Variants in RFK observed in about 807,000 individuals in gnomAD.
The protein encoded by RFK is 0610038L10Rik.
RFK carries 4 observed loss-of-function variants against 17.6 expected under a neutral mutation model. That is an observed-to-expected ratio of 0.23 (90% CI 0.11 to 0.52). The LOEUF (loss-of-function observed/expected upper bound fraction) is 0.52. Among genes scored for constraint, RFK ranks in the 20% least tolerant of loss-of-function variants. The pLI is 0.96. For synonymous variants in RFK, 59 were observed against 63.8 expected, an observed-to-expected ratio of 0.92 and a Z score of 0.36; for missense variants, 189 against 187.7, an observed-to-expected ratio of 1.01 and a Z score of -0.04.
chr9:76,388,393 A>G, intron 3 of RFK, 161 bp downstream of exon 3: 1 of 641,624 alleles, frequency 1.6e-6, no homozygotes, highest in South Asian at 1.7e-5. Context: ...AATCCCTCAC[A>G]GGTGAAAGAA....
Position 76,387,443 on chromosome 9 carries a change from T to C in RFK, c.424A>G (p.Asn142Asp). 1 of 1,611,322 alleles carries C rather than the reference T, an allele frequency of 6.2e-7. No homozygotes were observed. The highest frequency in any genetic ancestry group is 8.5e-7 in the Non-Finnish European group (1 of 1,179,314). ...TTGCTTTTAGAAACCTGGAAGAAAT[T>C]GTCTTCTTTGATTTTCAAATGTTCT... ...LPEHLKIKEDNFFQVSKSKIM... is the reference protein window; with the variant it reads ...LPEHLKIKEDDFFQVSKSKIM... Residue 142 changes from asparagine to aspartate, a missense_variant, in exon 4 of 4, where the codon AAT becomes GAT. Around this residue, in one of 3 missense-constraint regions of RFK, gnomAD observed 95 missense variants for 95.7 expected, o/e 0.99. Transcript: ENST00000376736.
rs1822861690 is a variant in RFK at position 76,394,243 on chromosome 9, C to T, written c.-72G>A. 6.7e-7 allele frequency: 1 copy of T among 1,482,156 alleles called. No homozygotes were observed. Among genetic ancestry groups the T allele is most frequent in the African/African-American group, 1.4e-5 (1 of 69,340 alleles). 91.8% of individuals were successfully genotyped at this position (1,482,156 alleles called of 1,614,324 possible). ...TGCGGAGCCGCCGTCGACGCGGCGC[C>T]CAGACCCCGGACCAGCCGGGGGACA... is the stretch of plus-strand genomic sequence containing the variant. On this transcript the variant is annotated 5_prime_UTR_variant, in exon 1 of 4. Coordinates refer to ENST00000376736, the MANE Select transcript of RFK (RefSeq NM_018339.6).
At chr9:76,389,611 A>G (rs1211377727) in intron 2 of RFK, among the ~76,000 whole-genome samples, 1 of 151,994 alleles carries the variant, frequency 6.6e-6, no homozygotes, top group Non-Finnish European at 1.5e-5. Context: ...AAACACAAAA[A>G]TTAGCTGGGC....
At position 76,385,534 on chromosome 9, in the gene RFK, A is replaced by G. The variant is rs1822717825; in HGVS notation, c.*1865T>C. The G allele has an allele frequency of 6.6e-6, 1 of 152,246 alleles. No individual in the cohort carries two copies. Among genetic ancestry groups the G allele is most frequent in the South Asian group, 2.1e-4 (1 of 4,836 alleles). 9.4% of individuals were successfully genotyped at this position (152,246 alleles called of 1,614,324 possible). Reference sequence around the variant, plus strand: ...CACAGGGAAAGAAAAAATATCACTTAGTCAAAATTTATTTCAAGGCCTGAA... The same window carrying G: ...CACAGGGAAAGAAAAAATATCACTTGGTCAAAATTTATTTCAAGGCCTGAA... On this transcript the variant is annotated 3_prime_UTR_variant, in exon 4 of 4. Coordinates refer to ENST00000376736, the MANE Select transcript of RFK (RefSeq NM_018339.6).
rs1269477120 is a variant in RFK, at chr9:76,385,787, T to A, written c.*1612A>T. The A allele has an allele frequency of 1.3e-5, 2 of 152,160 alleles. No individual in the cohort carries two copies. The highest frequency in any genetic ancestry group is 4.8e-5 in the African/African-American group (2 of 41,432). 9.4% of individuals were successfully genotyped at this position (152,160 alleles called of 1,614,324 possible). A position where few individuals can be genotyped will look rare whatever the true frequency, so the allele number is the denominator to read the frequency against. On this transcript the variant is annotated 3_prime_UTR_variant, in exon 4 of 4. Transcript: ENST00000376736. ...AGTCAGACAAAACAAACACAAATAT[T>A]TTCACATTTCCTATGTTTGTTTTTA...
rs1451276482 is a variant in RFK, at chr9:76,387,127, A to G, written c.*272T>C. On this transcript the variant is annotated 3_prime_UTR_variant, in exon 4 of 4. Transcript: ENST00000376736. Reference sequence around the variant, plus strand: ...AAACTAGTGACTTGCCTTTTTACCCATACTTATACACATGTAATACCTTTC... The same window carrying G: ...AAACTAGTGACTTGCCTTTTTACCCGTACTTATACACATGTAATACCTTTC... 8.1e-6 allele frequency: 2 copies of G among 246,548 alleles called. No homozygotes were observed. The highest frequency in any genetic ancestry group is 1.6e-5 in the Non-Finnish European group (2 of 127,576). 15.3% of individuals were successfully genotyped at this position (246,548 alleles called of 1,614,324 possible).
intron 3 of RFK, 101 bp downstream of exon 3, chr9:76,388,453 C>T (rs1822770992): frequency 3.9e-6 from 3 of 762,520 alleles, no homozygotes; most frequent in Non-Finnish European, 6.8e-6. Flanking sequence ...ATATTAAATG[C>T]TCAAATATTA....
chr9:76,389,629 C>T (rs552461250), intron 2 of RFK, among the ~76,000 whole-genome samples: 2 of 152,058 alleles, frequency 1.3e-5, no homozygotes, highest in Non-Finnish European at 2.9e-5. Flanking sequence ...GGCATGGTGG[C>T]GCATGCCTAT....
At chr9:76,391,391 G>A (rs932920562) in intron 2 of RFK, among the ~76,000 whole-genome samples, 2 of 152,146 alleles carry the variant, frequency 1.3e-5, no homozygotes, top group African/African-American at 4.8e-5. Context: ...TAAAGAGTAG[G>A]GCAGAAAAGT....
Position 76,387,408 on chromosome 9 carries a change from A to G in RFK, c.459T>C (p.Asn153=). 1 of 1,606,430 alleles carries G rather than the reference A, an allele frequency of 6.2e-7. No individual in the cohort carries two copies. The highest frequency in any genetic ancestry group is 1.1e-5 in the South Asian group (1 of 90,872). The change falls in exon 4 of 4, where the codon AAT becomes AAC. Residue 153 remains asparagine, a synonymous_variant. Transcript: ENST00000376736. The part of the protein sequence containing the change: ...FFQVSKSKIM[N]GH ...ATAATACAATTTTTCATCAGTGGCC[A>G]TTCATTATTTTGCTTTTAGAAACCT...
At chr9:76,390,552 T>TACTC (rs1355234486) in intron 2 of RFK, among the ~76,000 whole-genome samples, 1 of 152,068 alleles carries the variant, frequency 6.6e-6, no homozygotes, top group Non-Finnish European at 1.5e-5. Flanking sequence ...TGGTCCTAGC[T>TACTC]ACTCGGGAGG....
intron 1 of RFK, among the ~76,000 whole-genome samples, chr9:76,393,368 A>G (rs2490581): frequency 0.91 from 139,042 of 152,164 alleles, 63,761 homozygotes; most frequent in East Asian, 1. Context: ...CACCATGCCC[A>G]GCTAATTTTT....
intron 2 of RFK, among the ~76,000 whole-genome samples, chr9:76,391,300 A>G (rs1184625919): frequency 6.6e-6 from 1 of 152,232 alleles, no homozygotes; most frequent in Non-Finnish European, 1.5e-5. Flanking sequence ...GCTTCACTGT[A>G]ATTTGTTTTT....
chr9:76,388,702 AC>A, intron 2 of RFK, 46 bp from the exon 3 acceptor site: 1 of 1,105,532 alleles, frequency 9.0e-7, no homozygotes, highest in Non-Finnish European at 1.4e-6. Flanking sequence ...ACTACAGTGT[AC>A]TGAAATCTGA....
At position 76,386,584 on chromosome 9, in the gene RFK, C is replaced by A. The variant is rs1822734450; in HGVS notation, c.*815G>T. The A allele has an allele frequency of 6.6e-6, 1 of 151,886 alleles. No homozygotes were observed. Among genetic ancestry groups the A allele is most frequent in the Non-Finnish European group, 1.5e-5 (1 of 67,962 alleles). 9.4% of individuals were successfully genotyped at this position (151,886 alleles called of 1,614,324 possible). ...ACCATTAAAAAGAAGAAACATTATC[C>A]AACAAAAAGGAGACATATAGATTTG... On this transcript the variant is annotated 3_prime_UTR_variant, in exon 4 of 4. Coordinates refer to ENST00000376736, the MANE Select transcript of RFK (RefSeq NM_018339.6).
chr9:76,387,770 C>A, intron 3 of RFK: 1 of 341,564 alleles, frequency 2.9e-6, no homozygotes, highest in Non-Finnish European at 5.4e-6. Context: ...GAAGCTGAGG[C>A]GGGCAGATCA....
chr9:76,388,865 A>G (rs2490580), intron 2 of RFK, among the ~76,000 whole-genome samples: 142,783 of 152,282 alleles, frequency 0.94, 66,965 homozygotes, highest in East Asian at 1. Flanking sequence ...GAGTGAGGTG[A>G]CAGTGTCTGG....
intron 2 of RFK, among the ~76,000 whole-genome samples, chr9:76,391,527 T>C (rs1408649426): frequency 6.6e-6 from 1 of 152,200 alleles, no homozygotes; most frequent in Non-Finnish European, 1.5e-5. Flanking sequence ...CCAAGCGCAA[T>C]TGATGCATGA....
At chr9:76,392,334 A>G in intron 2 of RFK, 84 bp downstream of exon 2, 1 of 1,409,086 alleles carries the variant, frequency 7.1e-7, no homozygotes, top group Middle Eastern at 1.8e-4. Flanking sequence ...TACCACTGAT[A>G]AGCTATTTCT....
Sources: allele counts gnomAD v4.1 joint callset (sites outside exome capture counted in the v4.1 genomes callset), GRCh38; gene constraint gnomAD v4.1.1; regional missense constraint gnomAD v4.1.1; transcripts MANE v1.5; gene names NCBI Gene and HGNC (gene_info 2026-07-23, HGNC 2026-07-21).